Variants in PRR22 observed in about 807,000 individuals in gnomAD.
PRR22 encodes proline rich 22.
PRR22 carries 5 observed loss-of-function variants against 7.2 expected under a neutral mutation model. The observed-to-expected ratio is 0.69, with a 90% CI of 0.36 to 1.45. The LOEUF is 1.45. Ranked by LOEUF, PRR22 falls within the 40% of genes most tolerant of loss-of-function variation. PRR22 has a pLI of 0.03. For missense variants in PRR22, 619 were observed against 568.8 expected (o/e 1.09, Z -0.90); for synonymous variants, 319 against 269.3 (o/e 1.18, Z -1.81).
intron 2 of PRR22, 34 bp from the exon 3 acceptor site, chr19:5,784,087 T>C (rs1306637361): frequency 1.9e-6 from 3 of 1,592,812 alleles, no homozygotes; most frequent in Non-Finnish European, 2.6e-6. Context: ...TGAGAGCAGC[T>C]GCTGCCTGAG....
chr19:5,784,018 G>A lies in PRR22; in HGVS notation c.229C>T (p.Pro77Ser). ...QMAPCGCFFDPRIYRIEWTTP... is the reference protein window; with the variant it reads ...QMAPCGCFFDSRIYRIEWTTP... ...GTCCACTCGATCCGATAGATGCGGGGGTCGAAGAAGCACCCGCATGGGGCC... is the reference window on the plus strand; with the variant it reads ...GTCCACTCGATCCGATAGATGCGGGAGTCGAAGAAGCACCCGCATGGGGCC... Residue 77 changes from proline to serine, a missense_variant, in exon 3 of 3, where the codon CCC (proline) becomes TCC (serine). Transcript: ENST00000419421. The A allele has an allele frequency of 1.2e-6, 2 of 1,610,960 alleles. No individual in the cohort carries two copies. The highest frequency in any genetic ancestry group is 1.7e-6 in the Non-Finnish European group (2 of 1,179,054).
rs1180851916 is a variant in PRR22, at chr19:5,783,761, G to A, written c.486C>T (p.Asp162=). 3.2e-5 allele frequency: 47 copies of A among 1,486,298 alleles called. No homozygotes were observed. Among genetic ancestry groups the A allele is most frequent in the East Asian group, 9.6e-5 (4 of 41,652 alleles). The allele number at this position is 1,486,298 out of a possible 1,614,324, so 92.1% of individuals were successfully genotyped here. Residue 162 remains aspartate (D), a synonymous_variant, in exon 3 of 3, where the codon GAC becomes GAT. Coordinates refer to ENST00000419421, the MANE Select transcript of PRR22 (RefSeq NM_001134316.2). ...PGPEALGFVG[D]AGPAAFVELP... is the part of the protein sequence containing the mutation. ...GCTCCACGAAGGCGGCGGGCCCTGCGTCCCCCACAAAACCCAGAGCCTCTG... is the reference window on the plus strand; with the variant it reads ...GCTCCACGAAGGCGGCGGGCCCTGCATCCCCCACAAAACCCAGAGCCTCTG...
rs1238799750 is a variant in PRR22, at chr19:5,784,674, G to A, written c.-14C>T. On this transcript the variant is annotated 5_prime_UTR_variant, in exon 1 of 3. Coordinates refer to ENST00000419421, the MANE Select transcript of PRR22 (RefSeq NM_001134316.2). The stretch of plus-strand genomic sequence containing the variant: ...GGGGTGCTGCATGGGGCAGCGGGGG[G>A]CCCGGTCCAGACAGGCCAGGAGGGC... 3 of 1,532,826 alleles carry A rather than the reference G, an allele frequency of 2.0e-6. No homozygotes were observed. In the East Asian group the frequency reaches 7.3e-5, roughly 37 times the overall value. The allele number at this position is 1,532,826 out of a possible 1,614,324, so 95.0% of individuals were successfully genotyped here.
chr19:5,783,126 G>A lies in PRR22; in HGVS notation c.1121C>T (p.Thr374Ile), dbSNP rs774069304. Residue 374 changes from threonine to isoleucine, a missense_variant, in exon 3 of 3, where the codon ACC becomes ATC. Thr to Ile is a moderately conservative substitution (Grantham distance 89). Coordinates refer to ENST00000419421, the MANE Select transcript of PRR22 (RefSeq NM_001134316.2). ...AGACAGAATGGGGGCCGGGGTGTTG[G>A]TGGCAGGGGGCCCCGGGTGGGGCGG... ...EQPPHPGPPA[T>I]NTPAPILSGK... The A allele has an allele frequency of 2.5e-6, 4 of 1,612,232 alleles. No homozygotes were observed. Among genetic ancestry groups the A allele is most frequent in the African/African-American group, 2.7e-5 (2 of 74,922 alleles).
At position 5,783,184 on chromosome 19, in the gene PRR22, A is replaced by G. The variant is rs547919164; in HGVS notation, c.1063T>C (p.Phe355Leu). ...TCGTCGAGCGCCTTGAAGTTGAAGA[A>G]GTAGTCAACGTTGGACACGGTGTCC... is the stretch of plus-strand genomic sequence containing the variant. The part of the protein sequence containing the change: ...ILDTVSNVDY[F>L]FNFKALDEEQ... Residue 355 changes from phenylalanine (F) to leucine (L), a missense_variant, in exon 3 of 3, where the codon TTC (phenylalanine) becomes CTC (leucine). Coordinates refer to ENST00000419421, the MANE Select transcript of PRR22 (RefSeq NM_001134316.2). 2 of 1,612,702 alleles carry G rather than the reference A, an allele frequency of 1.2e-6. No homozygotes were observed. Among genetic ancestry groups the G allele is most frequent in the African/African-American group, 1.3e-5 (1 of 75,036 alleles).
chr19:5,783,295 T>G lies in PRR22; in HGVS notation c.952A>C (p.Ser318Arg), dbSNP rs779876772. 5.6e-6 allele frequency: 9 copies of G among 1,612,824 alleles called. No homozygotes were observed. In the Admixed American group the frequency reaches 1.5e-4, roughly 27 times the overall value. The change falls in exon 3 of 3, where the codon AGT becomes CGT. Residue 318 changes from serine to arginine, a missense_variant. Coordinates refer to ENST00000419421, the MANE Select transcript of PRR22 (RefSeq NM_001134316.2). ...ATGTCATCGGCTGAGTTCCCACCACTGCTGTCAGGCAGGGCCGGCCCAGGG... is the reference window on the plus strand; with the variant it reads ...ATGTCATCGGCTGAGTTCCCACCACGGCTGTCAGGCAGGGCCGGCCCAGGG... ...EVPGPALPDS[S>R]GGNSADDIRS... is the part of the protein sequence containing the mutation.
Position 5,782,984 on chromosome 19 carries a change from C to T in PRR22, c.1263G>A (p.Pro421=), listed in dbSNP as rs777945673. The T allele has an allele frequency of 1.3e-5, 20 of 1,519,510 alleles. No homozygotes were observed. The highest frequency in any genetic ancestry group is 2.2e-5 in the Admixed American group (1 of 44,810). The allele number at this position is 1,519,510 out of a possible 1,614,324, so 94.1% of individuals were successfully genotyped here. ...CTGAAAGGTCAAATGTGCTTTAATG[C>T]GGGGTGGCTCCCAGGTCCTCCCTGG... is the stretch of plus-strand genomic sequence containing the variant. ...PGPREDLGAT[P]H The change falls in exon 3 of 3, where the codon CCG becomes CCA. Residue 421 remains proline (P), a synonymous_variant. Transcript: ENST00000419421.
At position 5,783,236 on chromosome 19, in the gene PRR22, G is replaced by C; in HGVS notation, c.1011C>G (p.Ser337=). ...RSLCLPEELL[S]FDYSVPEILD... Reference sequence around the variant, plus strand: ...GGATCTCAGGCACGCTGTAGTCAAAGGACAGCAGCTCCTCGGGCAGGCACA... The same window carrying C: ...GGATCTCAGGCACGCTGTAGTCAAACGACAGCAGCTCCTCGGGCAGGCACA... Residue 337 remains serine (S), a synonymous_variant, in exon 3 of 3, where the codon TCC becomes TCG. Coordinates refer to ENST00000419421, the MANE Select transcript of PRR22 (RefSeq NM_001134316.2). 14 of 1,612,804 alleles carry C rather than the reference G, an allele frequency of 8.7e-6. No individual in the cohort carries two copies. Among genetic ancestry groups the C allele is most frequent in the Non-Finnish European group, 1.2e-5 (14 of 1,179,982 alleles).
Position 5,784,012 on chromosome 19 carries a change from T to C in PRR22, c.235A>G (p.Ile79Val). ...GGGGTGGTCCACTCGATCCGATAGA[T>C]GCGGGGGTCGAAGAAGCACCCGCAT... ...APCGCFFDPR[I>V]YRIEWTTPDL... Residue 79 changes from isoleucine to valine, a missense_variant, in exon 3 of 3, where the codon ATC becomes GTC. Ile to Val is a conservative substitution (Grantham distance 29, BLOSUM62 3). Transcript: ENST00000419421. 6.2e-7 allele frequency: 1 copy of C among 1,610,772 alleles called. No individual in the cohort carries two copies. The highest frequency in any genetic ancestry group is 8.5e-7 in the Non-Finnish European group (1 of 1,178,976).
chr19:5,784,620 TG>T lies in PRR22; in HGVS notation c.40del (p.Gln14ArgfsTer33). ...CAGACTCTGCGGGCTGAAACCTTCC[TG>T]GGGAGCTGCAGGGGCACAGAACGGT... The part of the protein sequence containing the change: ...PKPFCAPAAP[Q>X]EGFSPQSLEG... On this transcript the variant is annotated frameshift_variant, in exon 1 of 3. Coordinates refer to ENST00000419421, the MANE Select transcript of PRR22 (RefSeq NM_001134316.2). LOFTEE classifies it high-confidence loss of function. 6.5e-7 allele frequency: 1 copy of T among 1,537,710 alleles called. No homozygotes were observed.
Position 5,783,785 on chromosome 19 carries a change from T to C in PRR22, c.462A>G (p.Pro154=). The C allele has an allele frequency of 1.3e-6, 2 of 1,490,386 alleles. No homozygotes were observed. The allele number at this position is 1,490,386 out of a possible 1,614,324, so 92.3% of individuals were successfully genotyped here. Residue 154 remains proline (P), a synonymous_variant, in exon 3 of 3, where the codon CCA becomes CCG. Coordinates refer to ENST00000419421, the MANE Select transcript of PRR22 (RefSeq NM_001134316.2). ...CGTCCCCCACAAAACCCAGAGCCTC[T>C]GGCCCGGGGCCCTCAGGCGGGAAGT... ...LPYFPPEGPG[P]EALGFVGDAG... is the part of the protein sequence containing the mutation.
chr19:5,783,858 T>C lies in PRR22; in HGVS notation c.389A>G (p.Tyr130Cys). 1 of 1,561,786 alleles carries C rather than the reference T, an allele frequency of 6.4e-7. No homozygotes were observed. Among genetic ancestry groups the C allele is most frequent in the Non-Finnish European group, 8.7e-7 (1 of 1,153,790 alleles). ...PYLKAPGLPP[Y>C]PHYQQAPGGP... ...CCCGGGTGCCTGCTGGTAGTGGGGG[T>C]ATGGAGGCAGCCCCGGGGCCTTGAG... Residue 130 changes from tyrosine to cysteine, a missense_variant, in exon 3 of 3, where the codon TAC becomes TGC. Coordinates refer to ENST00000419421, the MANE Select transcript of PRR22 (RefSeq NM_001134316.2).
chr19:5,782,972 T>C lies in PRR22; in HGVS notation c.*6A>G, dbSNP rs1048859972. The C allele has an allele frequency of 6.6e-7, 1 of 1,509,320 alleles. No individual in the cohort carries two copies. Among genetic ancestry groups the C allele is most frequent in the Non-Finnish European group, 8.8e-7 (1 of 1,132,458 alleles). 93.5% of individuals were successfully genotyped at this position (1,509,320 alleles called of 1,614,324 possible). Reference sequence around the variant, plus strand: ...GTGGACATGGAGCTGAAAGGTCAAATGTGCTTTAATGCGGGGTGGCTCCCA... The same window carrying C: ...GTGGACATGGAGCTGAAAGGTCAAACGTGCTTTAATGCGGGGTGGCTCCCA... On this transcript the variant is annotated 3_prime_UTR_variant, in exon 3 of 3. Coordinates refer to ENST00000419421, the MANE Select transcript of PRR22 (RefSeq NM_001134316.2).
chr19:5,782,974 T>C lies in PRR22; in HGVS notation c.*4A>G. The C allele has an allele frequency of 6.6e-7, 1 of 1,511,232 alleles. No homozygotes were observed. The highest frequency in any genetic ancestry group is 8.8e-7 in the Non-Finnish European group (1 of 1,133,696). 93.6% of individuals were successfully genotyped at this position (1,511,232 alleles called of 1,614,324 possible). A position where few individuals can be genotyped will look rare whatever the true frequency, so the allele number is the denominator to read the frequency against. On this transcript the variant is annotated 3_prime_UTR_variant, in exon 3 of 3. Coordinates refer to ENST00000419421, the MANE Select transcript of PRR22 (RefSeq NM_001134316.2). Reference sequence around the variant, plus strand: ...GGACATGGAGCTGAAAGGTCAAATGTGCTTTAATGCGGGGTGGCTCCCAGG... The same window carrying C: ...GGACATGGAGCTGAAAGGTCAAATGCGCTTTAATGCGGGGTGGCTCCCAGG...
Position 5,784,601 on chromosome 19 carries a change from C to T in PRR22, c.60G>A (p.Gln20=). 1.3e-6 allele frequency: 2 copies of T among 1,541,734 alleles called. No homozygotes were observed. The highest frequency in any genetic ancestry group is 2.0e-5 in the Admixed American group (1 of 50,998). ...PAAPQEGFSP[Q]SLEGAEVLGN... ...CCAGCACCTCAGCCCCCTCCAGACT[C>T]TGCGGGCTGAAACCTTCCTGGGGAG... The change falls in exon 1 of 3, where the codon CAG becomes CAA. Residue 20 remains glutamine, a synonymous_variant. Coordinates refer to ENST00000419421, the MANE Select transcript of PRR22 (RefSeq NM_001134316.2).
chr19:5,784,670 G>T lies in PRR22; in HGVS notation c.-10C>A. On this transcript the variant is annotated 5_prime_UTR_variant, in exon 1 of 3. Transcript: ENST00000419421. ...GTTTGGGGTGCTGCATGGGGCAGCG[G>T]GGGGCCCGGTCCAGACAGGCCAGGA... 6.5e-7 allele frequency: 1 copy of T among 1,533,416 alleles called. No homozygotes were observed. Among genetic ancestry groups the T allele is most frequent in the South Asian group, 1.2e-5 (1 of 83,922 alleles). 95.0% of individuals were successfully genotyped at this position (1,533,416 alleles called of 1,614,324 possible).
rs560125128 is a variant in PRR22, at chr19:5,783,596, G to A, written c.651C>T (p.His217=). ...GTTCGGGCCCAGGGAAGTGGCCGAG[G>A]TGACCCTGGAGGTGGCTGTAGGCGT... The part of the protein sequence containing the change: ...PPDAYSHLQG[H]LGHFPGPEPL... Residue 217 remains histidine (H), a synonymous_variant, in exon 3 of 3, where the codon CAC becomes CAT. Transcript: ENST00000419421. The A allele has an allele frequency of 2.7e-5, 44 of 1,607,998 alleles. No individual in the cohort carries two copies. The Admixed American group carries it at 7.3e-4, about 27-fold the overall frequency.
At position 5,783,263 on chromosome 19, in the gene PRR22, C is replaced by T. The variant is rs371466230; in HGVS notation, c.984G>A (p.Ser328=). The stretch of plus-strand genomic sequence containing the variant: ...ACAGCAGCTCCTCGGGCAGGCACAG[C>T]GAGCGGATGTCATCGGCTGAGTTCC... ...SGGNSADDIR[S]LCLPEELLSF... The change falls in exon 3 of 3, where the codon TCG becomes TCA. Residue 328 remains serine (S), a synonymous_variant. Transcript: ENST00000419421. 3.2e-5 allele frequency: 51 copies of T among 1,612,834 alleles called. No homozygotes were observed. Among genetic ancestry groups the T allele is most frequent in the African/African-American group, 2.4e-4 (18 of 75,046 alleles).
chr19:5,784,278 T>A, intron 2 of PRR22, 99 bp downstream of exon 2: 1 of 1,309,168 alleles, frequency 7.6e-7, no homozygotes, highest in Non-Finnish European at 1.1e-6. Flanking sequence ...GCAGAGGCCA[T>A]GCCTTCAGGC....
Sources: allele counts gnomAD v4.1 joint callset, GRCh38; gene constraint gnomAD v4.1.1; transcripts MANE v1.5; gene names NCBI Gene and HGNC (gene_info 2026-07-23, HGNC 2026-07-21).